Variants in DEPDC5 observed in about 807,000 individuals in gnomAD.
The protein encoded by DEPDC5 is DEP domain containing 5, GATOR1 subcomplex subunit, also known as GATOR1 complex protein DEPDC5.
A neutral mutation model predicts 217.3 loss-of-function variants in DEPDC5; 73 were observed. The ratio of observed to expected loss-of-function variants is 0.34; its 90% CI spans 0.28 to 0.41. The LOEUF (loss-of-function observed/expected upper bound fraction) is 0.41. DEPDC5 is among the 10% of genes least tolerant of loss of function. DEPDC5 has a pLI of 1.00. For missense variants in DEPDC5, 1,675 were observed against 2,070.1 expected (o/e 0.81, Z 3.70); for synonymous variants, 733 against 756.7 (o/e 0.97, Z 0.51).
At chr22:31,872,142 G>A (rs1015479332) in intron 34 of DEPDC5, among the ~76,000 whole-genome samples, 5 of 152,118 alleles carry the variant, frequency 3.3e-5, no homozygotes, top group African/African-American at 4.8e-5. Context: ...GGCCCAGTTC[G>A]GTATAGTGGG....
At chr22:31,764,482 C>T (rs2082648277) in intron 4 of DEPDC5, among the ~76,000 whole-genome samples, 1 of 152,198 alleles carries the variant, frequency 6.6e-6, no homozygotes, top group Non-Finnish European at 1.5e-5. Context: ...GTGGTACGAT[C>T]TCAGCTCGCT....
intron 8 of DEPDC5, among the ~76,000 whole-genome samples, chr22:31,782,911 G>A (rs112325760): frequency 1.6e-4 from 25 of 152,270 alleles, no homozygotes; most frequent in Non-Finnish European, 2.2e-4. Context: ...AAGAATGCTC[G>A]GATGAAGTTT....
At chr22:31,772,648 A>G (rs963793364) in intron 7 of DEPDC5, among the ~76,000 whole-genome samples, 8 of 152,166 alleles carry the variant, frequency 5.3e-5, no homozygotes, top group Admixed American at 2.0e-4. Context: ...GCTATGGGCC[A>G]TATGAAAACA....
intron 31 of DEPDC5, chr22:31,852,960 G>C (rs566279542): frequency 6.6e-6 from 1 of 152,520 alleles, no homozygotes; most frequent in East Asian, 1.9e-4. Flanking sequence ...GAGATGAAAA[G>C]GAAGGGATGA....
chr22:31,827,079 G>A (rs1337385225), intron 24 of DEPDC5, among the ~76,000 whole-genome samples: 1 of 151,924 alleles, frequency 6.6e-6, no homozygotes, highest in African/African-American at 2.4e-5. Flanking sequence ...CGTATGCTCT[G>A]AATGCTTGGC....
chr22:31,816,577 C>T (rs2089153894), intron 21 of DEPDC5, among the ~76,000 whole-genome samples: 1 of 151,774 alleles, frequency 6.6e-6, no homozygotes, highest in African/African-American at 2.4e-5. Context: ...ATTACAGGCA[C>T]ACACCACCAC....
At position 31,819,023 on chromosome 22, in the gene DEPDC5, T is replaced by C. The variant is rs2089432283; in HGVS notation, c.1668T>C (p.Asp556=). Residue 556 remains aspartate, a splice_region_variant and synonymous_variant, in exon 22 of 43, where the codon GAT becomes GAC. Transcript: ENST00000651528. ...ACTCAACTCCATGATAACTGGCAGA[T>C]GTCCTGGAGAACATGATGGAGCCAC... is the stretch of plus-strand genomic sequence containing the variant. ...SSSLGYTSTR[D]VLENMMEPPQ... 7.4e-6 allele frequency: 12 copies of C among 1,614,094 alleles called. No homozygotes were observed. The highest frequency in any genetic ancestry group is 2.2e-5 in the East Asian group (1 of 44,900).
intron 28 of DEPDC5, 113 bp from the exon 29 acceptor site, chr22:31,843,532 G>C: frequency 1.5e-6 from 2 of 1,316,824 alleles, no homozygotes; most frequent in East Asian, 4.7e-5. Flanking sequence ...GGTTACTACA[G>C]TTGAGGGGTA....
chr22:31,882,919 C>T (rs748647399), intron 38 of DEPDC5, among the ~76,000 whole-genome samples: 5 of 151,986 alleles, frequency 3.3e-5, no homozygotes, highest in African/African-American at 4.8e-5. Flanking sequence ...CCATTACGCC[C>T]GGCCTGTTCT....
rs1283421653 is a variant in DEPDC5, at chr22:31,907,304, C to T, written c.*807C>T. The T allele has an allele frequency of 6.6e-6, 1 of 151,968 alleles. No homozygotes were observed. The highest frequency in any genetic ancestry group is 2.4e-5 in the African/African-American group (1 of 41,390). The allele number at this position is 151,968 out of a possible 1,614,324, so 9.4% of individuals were successfully genotyped here. On this transcript the variant is annotated 3_prime_UTR_variant, in exon 43 of 43. Coordinates refer to ENST00000651528, the MANE Select transcript of DEPDC5 (RefSeq NM_001242896.3). ...TCTTGCTAAATGGGTGAGCTCAGCTCTGGGACGCAGATATGATGGCATTCT... is the reference window on the plus strand; with the variant it reads ...TCTTGCTAAATGGGTGAGCTCAGCTTTGGGACGCAGATATGATGGCATTCT...
chr22:31,802,141 T>A (rs1323901357), intron 14 of DEPDC5, among the ~76,000 whole-genome samples: 4 of 146,764 alleles, frequency 2.7e-5, no homozygotes, highest in African/African-American at 9.9e-5. Flanking sequence ...TTTTTTTTTT[T>A]TTTTTTTAGA....
chr22:31,856,905 G>A (rs1056745299), intron 31 of DEPDC5, among the ~76,000 whole-genome samples: 1 of 152,048 alleles, frequency 6.6e-6, no homozygotes, highest in African/African-American at 2.4e-5. Flanking sequence ...GAGTAGCTGC[G>A]ACTGTAGGCG....
intron 7 of DEPDC5, among the ~76,000 whole-genome samples, chr22:31,770,336 T>G (rs1366743418): frequency 2.0e-5 from 3 of 152,032 alleles, no homozygotes; most frequent in African/African-American, 7.2e-5. Context: ...CTTGTTTCTT[T>G]CCTGAAATTT....
intron 38 of DEPDC5, among the ~76,000 whole-genome samples, chr22:31,888,415 A>G (rs1295268090): frequency 6.6e-6 from 1 of 150,682 alleles, no homozygotes. Context: ...ACACCTGGCT[A>G]ATGTTTTTCT....
chr22:31,763,391 C>T lies in DEPDC5; in HGVS notation c.194-1584C>T, dbSNP rs530874041. Among the ~76,000 whole-genome samples the T allele has an allele frequency of 2.1e-3, 317 of 151,676 alleles. 1 individual carries two copies. Among genetic ancestry groups the T allele is most frequent in the South Asian group, 0.019 (92 of 4,800 alleles). On this transcript the variant is annotated intron_variant, in intron 4 of 42. Transcript: ENST00000651528. Reference sequence around the variant, plus strand: ...CTGCCTGCCTCAACCTCCCAAAGTCCTGGGATTACAGGCGTGAGCCACTGC... The same window carrying T: ...CTGCCTGCCTCAACCTCCCAAAGTCTTGGGATTACAGGCGTGAGCCACTGC...
chr22:31,845,425 T>C (rs1369393796), intron 30 of DEPDC5, among the ~76,000 whole-genome samples, 188 bp downstream of exon 30: 1 of 152,204 alleles, frequency 6.6e-6, no homozygotes, highest in Non-Finnish European at 1.5e-5. Context: ...GTGCAGGCAG[T>C]GACTGGGTGG....
intron 12 of DEPDC5, among the ~76,000 whole-genome samples, 188 bp downstream of exon 12, chr22:31,793,005 G>A (rs1293083423): frequency 6.6e-6 from 1 of 152,032 alleles, no homozygotes; most frequent in East Asian, 1.9e-4. Context: ...GGGAGGTGGA[G>A]GTTGCAGTGA....
In DEPDC5 at chr22:31,824,738, C is replaced by T. The variant is rs546383417; in HGVS notation, c.2104+1948C>T. 3.9e-5 allele frequency among the ~76,000 whole-genome samples: 6 copies of T among 151,902 alleles called. No homozygotes were observed. In the East Asian group the frequency reaches 5.8e-4, roughly 15 times the overall value. ...ATCCCAGCACGTTGGGAGACCAAGGCGGGTGGATCACGAGGTCAGGAGATT... is the reference window on the plus strand; with the variant it reads ...ATCCCAGCACGTTGGGAGACCAAGGTGGGTGGATCACGAGGTCAGGAGATT... On this transcript the variant is annotated intron_variant, in intron 24 of 42. Coordinates refer to ENST00000651528, the MANE Select transcript of DEPDC5 (RefSeq NM_001242896.3).
chr22:31,852,629 G>A (rs967493479), intron 31 of DEPDC5, among the ~76,000 whole-genome samples: 9 of 152,176 alleles, frequency 5.9e-5, no homozygotes, highest in Middle Eastern at 3.4e-3. Context: ...GTGAGCCACC[G>A]AGCCTGGCTT....
Sources: gnomAD v4.1 joint callset for allele counts (sites outside exome capture counted in the v4.1 genomes callset) on GRCh38, gnomAD v4.1.1 for gene constraint, MANE v1.5 for transcripts, NCBI Gene and HGNC (gene_info 2026-07-23, HGNC 2026-07-21) for gene names.